Variants in CNTN4 observed in about 807,000 individuals in gnomAD.
CNTN4 encodes contactin-4.
A neutral mutation model predicts 122.5 loss-of-function variants in CNTN4; 77 were observed. The ratio of observed to expected loss-of-function variants is 0.63; its 90% CI spans 0.52 to 0.76. The LOEUF is 0.76. CNTN4 is among the 30% of genes least tolerant of loss of function. The pLI is 0.00. For missense variants in CNTN4, 1,256 were observed against 1,259.1 expected (o/e 1.00, Z 0.04); for synonymous variants, 512 against 447.0 (o/e 1.15, Z -1.83).
chr3:2,195,614 C>A (rs1244749907), intron 2 of CNTN4, among the ~76,000 whole-genome samples: 3 of 152,170 alleles, frequency 2.0e-5, no homozygotes, highest in Non-Finnish European at 4.4e-5. Context: ...AGTTTGGTTA[C>A]CTACACAGGA....
At chr3:2,182,979 G>T (rs1329413439) in intron 2 of CNTN4, among the ~76,000 whole-genome samples, 1 of 152,010 alleles carries the variant, frequency 6.6e-6, no homozygotes, top group Non-Finnish European at 1.5e-5. Flanking sequence ...TGGATGAAAA[G>T]AACTATATCC....
intron 3 of CNTN4, among the ~76,000 whole-genome samples, chr3:2,399,055 T>C (rs868551864): frequency 6.6e-6 from 1 of 152,082 alleles, no homozygotes; most frequent in African/African-American, 2.4e-5. Flanking sequence ...AAATATCCTT[T>C]GGTCCAACCC....
At chr3:2,947,981 T>C (rs1031137195) in intron 13 of CNTN4, among the ~76,000 whole-genome samples, 3 of 151,198 alleles carry the variant, frequency 2.0e-5, no homozygotes, top group African/African-American at 4.9e-5. Context: ...GTTTATTCAA[T>C]TTAATTGTAG....
chr3:2,231,339 G>T lies in CNTN4; in HGVS notation c.-144-107839G>T, dbSNP rs982406367. On this transcript the variant is annotated intron_variant, in intron 2 of 24. Transcript: ENST00000418658. ...CTTAGGCATGGAGATGCTCAGAGAAGAGGACTGGGAGGAAATTTCCCTAAT... is the reference window on the plus strand; with the variant it reads ...CTTAGGCATGGAGATGCTCAGAGAATAGGACTGGGAGGAAATTTCCCTAAT... 2.6e-5 allele frequency among the ~76,000 whole-genome samples: 4 copies of T among 152,298 alleles called. No individual in the cohort carries two copies. The South Asian group carries it at 8.3e-4, about 32-fold the overall frequency.
intron 2 of CNTN4, among the ~76,000 whole-genome samples, chr3:2,234,465 A>G (rs1022869544): frequency 2.6e-5 from 4 of 151,320 alleles, no homozygotes; most frequent in Non-Finnish European, 5.9e-5. Flanking sequence ...TGCTCATCTC[A>G]TTTATATACA....
At chr3:2,938,953 A>T (rs1184337157) in intron 13 of CNTN4, among the ~76,000 whole-genome samples, 1 of 152,044 alleles carries the variant, frequency 6.6e-6, no homozygotes, top group Non-Finnish European at 1.5e-5. Flanking sequence ...TATTAAAACC[A>T]GACAGGCAGT....
chr3:2,570,474 G>A (rs1410905415), intron 3 of CNTN4, among the ~76,000 whole-genome samples: 2 of 152,126 alleles, frequency 1.3e-5, no homozygotes, highest in African/African-American at 4.8e-5. Flanking sequence ...ACTGCACCTG[G>A]CCTTAAAAAG....
At chr3:2,755,736 G>C (rs1260234092) in intron 6 of CNTN4, among the ~76,000 whole-genome samples, 1 of 152,138 alleles carries the variant, frequency 6.6e-6, no homozygotes, top group Non-Finnish European at 1.5e-5. Flanking sequence ...GAAGTATAGA[G>C]ATTGCTTTAA....
At chr3:2,728,196 A>G (rs1005174321) in intron 4 of CNTN4, among the ~76,000 whole-genome samples, 2 of 152,204 alleles carry the variant, frequency 1.3e-5, no homozygotes, top group Admixed American at 6.5e-5. Flanking sequence ...ACTCAGGAAA[A>G]TCACTCTTAC....
chr3:2,662,812 G>A (rs1388304845), intron 4 of CNTN4, among the ~76,000 whole-genome samples: 1 of 152,184 alleles, frequency 6.6e-6, no homozygotes, highest in South Asian at 2.1e-4. Context: ...AGACAGGATG[G>A]CTGGGAACAG....
chr3:3,037,550 C>T (rs962950049), intron 18 of CNTN4: 5 of 584,784 alleles, frequency 8.6e-6, no homozygotes, highest in Non-Finnish European at 1.5e-5. Context: ...ACTTGTACAG[C>T]AAGAGACACA....
chr3:2,228,137 G>C (rs1358578907), intron 2 of CNTN4, among the ~76,000 whole-genome samples: 1 of 151,720 alleles, frequency 6.6e-6, no homozygotes, highest in Non-Finnish European at 1.5e-5. Context: ...AAAATAAATT[G>C]GCCAAATAAT....
intron 3 of CNTN4, among the ~76,000 whole-genome samples, chr3:2,568,738 G>A (rs1452121319): frequency 1.3e-5 from 2 of 152,098 alleles, no homozygotes; most frequent in Non-Finnish European, 2.9e-5. Context: ...CATTATTTCT[G>A]ATTAGCAAAG....
chr3:2,812,972 A>C (rs1469670788), intron 6 of CNTN4, among the ~76,000 whole-genome samples: 1 of 152,196 alleles, frequency 6.6e-6, no homozygotes, highest in Non-Finnish European at 1.5e-5. Context: ...CTTACAGGGA[A>C]GTCCAGTCTT....
intron 3 of CNTN4, among the ~76,000 whole-genome samples, chr3:2,463,385 C>T (rs1286990674): frequency 6.6e-6 from 1 of 152,176 alleles, no homozygotes; most frequent in Non-Finnish European, 1.5e-5. Flanking sequence ...TAAATGGACA[C>T]AGGTCATCTT....
intron 2 of CNTN4, among the ~76,000 whole-genome samples, chr3:2,229,579 T>C (rs1033667384): frequency 6.6e-6 from 1 of 152,284 alleles, no homozygotes; most frequent in African/African-American, 2.4e-5. Context: ...TCCTTAGATA[T>C]AGCTGAAAGA....
At chr3:2,632,822 A>G (rs2082503287) in intron 4 of CNTN4, among the ~76,000 whole-genome samples, 1 of 152,134 alleles carries the variant, frequency 6.6e-6, no homozygotes. Context: ...GGTGTGCCTC[A>G]GAAAAGCTGA....
intron 4 of CNTN4, among the ~76,000 whole-genome samples, chr3:2,717,425 G>A (rs147608034): frequency 3.3e-5 from 5 of 152,268 alleles, no homozygotes; most frequent in East Asian, 3.9e-4. Flanking sequence ...GTTTTCACAC[G>A]TGTTTTCATA....
rs150475950 is a variant in CNTN4, at chr3:3,011,422, G to T, written c.1487-14680G>T. ...TTTTCACAGTGTCTGATGATGTTCA[G>T]AGAGTTAATGGAGGTCCTGAAATGT... On this transcript the variant is annotated intron_variant, in intron 14 of 24. Transcript: ENST00000418658. Among the ~76,000 whole-genome samples, 1,384 of 152,268 alleles carry T rather than the reference G, an allele frequency of 9.1e-3. 24 individuals are homozygous for T. The highest frequency in any genetic ancestry group is 0.031 in the African/African-American group (1,304 of 41,570).
Sources: allele counts gnomAD v4.1 joint callset (sites outside exome capture counted in the v4.1 genomes callset), GRCh38; gene constraint gnomAD v4.1.1; transcripts MANE v1.5; gene names NCBI Gene and HGNC (gene_info 2026-07-23, HGNC 2026-07-21).